Variants in YBX3 observed in about 807,000 individuals in gnomAD.
YBX3 encodes the protein Y-box-binding protein 3.
YBX3 carries 29 observed loss-of-function variants against 42.4 expected under a neutral mutation model. The observed-to-expected ratio is 0.68, with a 90% confidence interval of 0.51 to 0.93. The LOEUF is 0.93. Among genes scored for constraint, YBX3 ranks in the 40% least tolerant of loss-of-function variants. YBX3 has a pLI of 0.00. For synonymous variants in YBX3, 195 were observed against 189.8 expected (o/e 1.03, Z -0.22); for missense variants, 517 against 527.5 (o/e 0.98, Z 0.19).
intron 7 of YBX3, 79 bp downstream of exon 7, chr12:10,703,972 A>G: frequency 7.2e-7 from 1 of 1,385,758 alleles, no homozygotes; most frequent in South Asian, 1.2e-5. Flanking sequence ...TAAATCCACA[A>G]AACGGAACCA....
chr12:10,718,354 C>T, intron 2 of YBX3: 1 of 459,932 alleles, frequency 2.2e-6, no homozygotes, highest in East Asian at 3.4e-5. Flanking sequence ...CTCACAGACT[C>T]AACATACAGA....
intron 8 of YBX3, among the ~76,000 whole-genome samples, 167 bp from the exon 9 acceptor site, chr12:10,701,520 G>A (rs966990276): frequency 2.0e-5 from 3 of 151,978 alleles, no homozygotes; most frequent in Admixed American, 6.6e-5. Context: ...TCAGTCCCTG[G>A]CATCTCTACC....
intron 4 of YBX3, among the ~76,000 whole-genome samples, chr12:10,714,126 T>C (rs892781185): frequency 3.3e-5 from 5 of 152,214 alleles, no homozygotes; most frequent in African/African-American, 4.8e-5. Flanking sequence ...GGTGAGTGAT[T>C]TGAAAATCTA....
chr12:10,713,573 C>T (rs1271338185), intron 4 of YBX3, among the ~76,000 whole-genome samples: 2 of 152,114 alleles, frequency 1.3e-5, no homozygotes, highest in Non-Finnish European at 2.9e-5. Flanking sequence ...TAATGTCAAT[C>T]GCAAAAGCAA....
At chr12:10,701,835 T>C in intron 8 of YBX3, 125 bp downstream of exon 8, 1 of 1,167,214 alleles carries the variant, frequency 8.6e-7, no homozygotes, top group Non-Finnish European at 1.2e-6. Flanking sequence ...TATATGGATC[T>C]TGAGCAAAAT....
rs944164691 is a variant in YBX3, at chr12:10,702,143, A to C, written c.879-9T>G. ...GGCGAGGAGGTCCCCTGCTGTAGGG[A>C]ACACAGAAGAAAATAGAACAGGTGC... is the stretch of plus-strand genomic sequence containing the variant. On this transcript the variant is annotated splice_polypyrimidine_tract_variant and intron_variant, in intron 7 of 9. Transcript: ENST00000228251. 1.4e-5 allele frequency: 22 copies of C among 1,609,546 alleles called. No individual in the cohort carries two copies. Among genetic ancestry groups the C allele is most frequent in the Non-Finnish European group, 1.9e-5 (22 of 1,177,922 alleles).
chr12:10,710,208 T>C (rs766718869), intron 5 of YBX3, 94 bp from the exon 6 acceptor site: 515 of 1,537,688 alleles, frequency 3.3e-4, no homozygotes, highest in Non-Finnish European at 4.3e-4. Context: ...AAATAAAATC[T>C]CCCCAAAGCA....
At chr12:10,703,817 C>T (rs905049736) in intron 7 of YBX3, 3 of 475,422 alleles carry the variant, frequency 6.3e-6, no homozygotes, top group Non-Finnish European at 1.1e-5. Context: ...TATTAATTTA[C>T]ATCTTATTAT....
Position 10,710,391 on chromosome 12 carries a change from G to A in YBX3, c.574-277C>T, listed in dbSNP as rs1948187151. On this transcript the variant is annotated intron_variant, in intron 5 of 9. Coordinates refer to ENST00000228251, the MANE Select transcript of YBX3 (RefSeq NM_003651.5). The stretch of plus-strand genomic sequence containing the variant: ...TTTAATAGTCATCTCATTAGAACTC[G>A]TATCAGCTAACCAACCACCCGAAGA... 9 of 1,347,940 alleles carry A rather than the reference G, an allele frequency of 6.7e-6. No individual in the cohort carries two copies. The African/African-American group carries it at 7.4e-5, about 11-fold the overall frequency. The allele number at this position is 1,347,940 out of a possible 1,614,324, so 83.5% of individuals were successfully genotyped here.
chr12:10,709,126 A>G (rs1161710741), intron 6 of YBX3, among the ~76,000 whole-genome samples: 1 of 152,224 alleles, frequency 6.6e-6, no homozygotes, highest in Non-Finnish European at 1.5e-5. Flanking sequence ...GTAGCAAAGA[A>G]CAGACTGAAC....
chr12:10,713,999 C>T (rs1316895500), intron 4 of YBX3, among the ~76,000 whole-genome samples: 3 of 152,124 alleles, frequency 2.0e-5, no homozygotes, highest in Admixed American at 1.3e-4. Flanking sequence ...GTATTTCACA[C>T]CCTACATCAC....
At chr12:10,707,989 AT>A (rs1948156847) in intron 6 of YBX3, among the ~76,000 whole-genome samples, 1 of 152,252 alleles carries the variant, frequency 6.6e-6, no homozygotes, top group Non-Finnish European at 1.5e-5. Context: ...AAAGTTGCTG[AT>A]TTTTAAAAGT....
intron 1 of YBX3, among the ~76,000 whole-genome samples, 187 bp from the exon 2 acceptor site, chr12:10,719,330 G>C (rs982080463): frequency 1.3e-5 from 2 of 152,192 alleles, no homozygotes; most frequent in Non-Finnish European, 2.9e-5. Flanking sequence ...ATACTTTTCA[G>C]AAGACTAAAC....
chr12:10,714,856 C>A (rs1162873683), intron 4 of YBX3, among the ~76,000 whole-genome samples: 2 of 151,872 alleles, frequency 1.3e-5, no homozygotes, highest in South Asian at 4.2e-4. Flanking sequence ...CAGGTTCAAA[C>A]GATTCTCCTG....
rs945251783 is a variant in YBX3, at chr12:10,723,246, C to G, written c.-135G>C. On this transcript the variant is annotated 5_prime_UTR_variant, in exon 1 of 10. Coordinates refer to ENST00000228251, the MANE Select transcript of YBX3 (RefSeq NM_003651.5). ...ATCTCGCGGCGCAGGCGGCGGCGGC[C>G]GAGGTGGGGTCGCGCGGCGGAGGCG... is the stretch of plus-strand genomic sequence containing the variant. 1 of 1,161,160 alleles carries G rather than the reference C, an allele frequency of 8.6e-7. No individual in the cohort carries two copies. Among genetic ancestry groups the G allele is most frequent in the Non-Finnish European group, 1.1e-6 (1 of 940,830 alleles). The allele number at this position is 1,161,160 out of a possible 1,614,324, so 71.9% of individuals were successfully genotyped here.
chr12:10,713,160 C>T, intron 5 of YBX3, 51 bp downstream of exon 5: 1 of 1,573,658 alleles, frequency 6.4e-7, no homozygotes, highest in East Asian at 2.3e-5. Context: ...ACACTTAATT[C>T]CATGCATGAA....
chr12:10,715,195 T>C (rs1481088999), intron 4 of YBX3, among the ~76,000 whole-genome samples: 5 of 152,238 alleles, frequency 3.3e-5, no homozygotes, highest in Non-Finnish European at 7.3e-5. Flanking sequence ...TGATCATTTA[T>C]TAAATAAGAA....
At chr12:10,718,406 T>C (rs1948287711) in intron 2 of YBX3, 1 of 315,082 alleles carries the variant, frequency 3.2e-6, no homozygotes, top group African/African-American at 2.1e-5. Flanking sequence ...ACATGGTGTG[T>C]AATCAGAGCC....
At chr12:10,709,235 G>A (rs148693831) in intron 6 of YBX3, among the ~76,000 whole-genome samples, 15 of 152,264 alleles carry the variant, frequency 9.9e-5, no homozygotes, top group African/African-American at 3.6e-4. Flanking sequence ...CAAAAATGAT[G>A]ATCTATCCCT....
Sources: gnomAD v4.1 joint callset for allele counts (sites outside exome capture counted in the v4.1 genomes callset) on GRCh38, gnomAD v4.1.1 for gene constraint, MANE v1.5 for transcripts, NCBI Gene and HGNC (gene_info 2026-07-23, HGNC 2026-07-21) for gene names.